Variants in PTPRF observed in about 807,000 individuals in gnomAD.
The protein encoded by PTPRF is protein tyrosine phosphatase receptor type F.
Under a neutral mutation model 201.8 loss-of-function variants are expected in PTPRF, and 59 were observed. That is an observed-to-expected ratio of 0.29 (90% CI 0.24 to 0.36). PTPRF has a LOEUF of 0.36. PTPRF is among the 10% of genes least tolerant of loss of function. The pLI, the probability that PTPRF is intolerant of heterozygous loss-of-function variation, is 1.00. For synonymous variants in PTPRF, 1,088 were observed against 1,089.7 expected (o/e 1.00, Z 0.03); for missense variants, 2,132 against 2,690.5 (o/e 0.79, Z 4.59).
chr1:43,617,078 G>T (rs933809622), intron 23 of PTPRF, among the ~76,000 whole-genome samples: 9 of 151,946 alleles, frequency 5.9e-5, no homozygotes, highest in African/African-American at 2.2e-4. Context: ...GAGGGACTCT[G>T]GGTGTTCAGA....
At chr1:43,573,712 A>G (rs1646727484) in intron 6 of PTPRF, among the ~76,000 whole-genome samples, 1 of 152,216 alleles carries the variant, frequency 6.6e-6, no homozygotes. Context: ...GGGCCCCTTC[A>G]GTCCCCCACA....
At position 43,591,515 on chromosome 1, in the gene PTPRF, C is replaced by T. The variant is rs750275015; in HGVS notation, c.1493C>T (p.Pro498Leu). ...VLAFTAVGDGPPSPTIQVKTQ... is the reference protein window; with the variant it reads ...VLAFTAVGDGLPSPTIQVKTQ... ...GCCTTCACCGCCGTGGGCGATGGCC[C>T]TCCCAGCCCCACCATCCAGGTCAAG... The change falls in exon 9 of 34, where the codon CCT (proline) becomes CTT (leucine). Residue 498 changes from proline to leucine, a missense_variant. Around this residue, in one of 6 missense-constraint regions of PTPRF, gnomAD observed 351 missense variants for 401.7 expected, o/e 0.87. Transcript: ENST00000359947. The T allele has an allele frequency of 1.3e-6, 2 of 1,598,998 alleles. No individual in the cohort carries two copies. The highest frequency in any genetic ancestry group is 1.7e-6 in the Non-Finnish European group (2 of 1,174,852).
At chr1:43,547,674 G>A (rs940797277) in intron 3 of PTPRF, among the ~76,000 whole-genome samples, 3 of 152,256 alleles carry the variant, frequency 2.0e-5, no homozygotes, top group African/African-American at 7.2e-5. Flanking sequence ...GTTTCAATAG[G>A]CCTCTTAACG....
At chr1:43,606,202 C>G (rs754471485) in intron 19 of PTPRF, 38 bp from the exon 20 acceptor site, 3 of 1,587,940 alleles carry the variant, frequency 1.9e-6, no homozygotes, top group African/African-American at 2.7e-5. Flanking sequence ...CCGGCATGCT[C>G]CAAGGCCCCT....
At chr1:43,614,244 A>G (rs764945448) in intron 23 of PTPRF, among the ~76,000 whole-genome samples, 7 of 152,230 alleles carry the variant, frequency 4.6e-5, no homozygotes, top group African/African-American at 7.2e-5. Flanking sequence ...GCTGATGAGT[A>G]GTGGAGCCAG....
rs1296785569 is a variant in PTPRF, at chr1:43,623,461, G to A, written c.*1458G>A. On this transcript the variant is annotated 3_prime_UTR_variant, in exon 34 of 34. Coordinates refer to ENST00000359947, the MANE Select transcript of PTPRF (RefSeq NM_002840.5). ...TTTAGCTGAGGGACGTGGTGCCGAC[G>A]TCCCCAAACCTAGCTAGGCTAAGTC... 1 of 152,600 alleles carries A rather than the reference G, an allele frequency of 6.6e-6. No individual in the cohort carries two copies. The highest frequency in any genetic ancestry group is 2.1e-4 in the South Asian group (1 of 4,824). The allele number at this position is 152,600 out of a possible 1,614,324, so 9.5% of individuals were successfully genotyped here.
intron 6 of PTPRF, 41 bp from the exon 7 acceptor site, chr1:43,578,769 G>T: frequency 6.6e-7 from 1 of 1,504,108 alleles, no homozygotes; most frequent in South Asian, 1.2e-5. Flanking sequence ...GGCCACACTC[G>T]ACATGGGCCG....
At chr1:43,587,754 A>G (rs1165750021) in intron 7 of PTPRF, among the ~76,000 whole-genome samples, 3 of 152,196 alleles carry the variant, frequency 2.0e-5, no homozygotes, top group Non-Finnish European at 4.4e-5. Flanking sequence ...TCTGCTCACC[A>G]GCTGCATGGC....
At chr1:43,523,869 G>A (rs564848318), upstream of PTPRF, among the ~76,000 whole-genome samples, 2 of 149,724 alleles carry the variant, frequency 1.3e-5, no homozygotes, top group Admixed American at 6.7e-5. Flanking sequence ...CCAACATGGC[G>A]AATCCCCTAA....
At chr1:43,524,674 G>C (rs1378253040), upstream of PTPRF, among the ~76,000 whole-genome samples, 1 of 152,146 alleles carries the variant, frequency 6.6e-6, no homozygotes, top group Non-Finnish European at 1.5e-5. Context: ...AGGATTGGCA[G>C]AGACACTGGC....
At chr1:43,543,879 G>A (rs147480602) in intron 2 of PTPRF, among the ~76,000 whole-genome samples, 253 of 152,348 alleles carry the variant, frequency 1.7e-3, no homozygotes, top group Non-Finnish European at 2.6e-3. Context: ...GATCGACCAC[G>A]TCTCACCCCT....
intron 27 of PTPRF, 23 bp from the exon 28 acceptor site, chr1:43,619,265 C>G (rs771662159): frequency 1.2e-6 from 2 of 1,611,418 alleles, no homozygotes; most frequent in Non-Finnish European, 1.7e-6. Flanking sequence ...GCCTGTGCCT[C>G]AAGCTGAGCC....
chr1:43,599,200 C>T (rs557594932), intron 13 of PTPRF, among the ~76,000 whole-genome samples: 8 of 152,250 alleles, frequency 5.3e-5, no homozygotes, highest in East Asian at 3.9e-4. Context: ...CTCAGCCTCC[C>T]GAGTAGCTGG....
intron 5 of PTPRF, 89 bp from the exon 6 acceptor site, chr1:43,569,501 C>A: frequency 7.2e-7 from 1 of 1,396,798 alleles, no homozygotes; most frequent in Non-Finnish European, 9.7e-7. Context: ...AGGGCCCTGG[C>A]CAACCTGCAG....
rs1368482660 is a variant in PTPRF, at chr1:43,531,014, G to C, written c.-202G>C. ...GCGGGAGCGGGACCAGGTGGAGGCG[G>C]CGGCGGCAGAGGAGTGGGAGCAGCG... On this transcript the variant is annotated 5_prime_UTR_variant, in exon 1 of 34. Transcript: ENST00000359947. 1 of 156,162 alleles carries C rather than the reference G, an allele frequency of 6.4e-6. No homozygotes were observed. Among genetic ancestry groups the C allele is most frequent in the Non-Finnish European group, 1.4e-5 (1 of 70,972 alleles). The allele number at this position is 156,162 out of a possible 1,614,324, so 9.7% of individuals were successfully genotyped here. A position where few individuals can be genotyped will look rare whatever the true frequency, so the allele number is the denominator to read the frequency against.
Position 43,553,340 on chromosome 1 carries a change from C to G in PTPRF, c.92-152C>G. ...GTTAAAAAATGTTAAACTCTCTGAA[C>G]AGTGCCTGGCACATACTAAGCGCTA... On this transcript the variant is annotated intron_variant, in intron 3 of 33. Transcript: ENST00000359947. This position sits in a 1 kb window ranked among gnomAD's most constrained non-coding sequence, Gnocchi z 4.1. 1.2e-6 allele frequency: 1 copy of G among 846,070 alleles called. No homozygotes were observed. The highest frequency in any genetic ancestry group is 1.7e-5 in the African/African-American group (1 of 59,040). 52.4% of individuals were successfully genotyped at this position (846,070 alleles called of 1,614,324 possible).
intron 6 of PTPRF, among the ~76,000 whole-genome samples, chr1:43,573,997 T>C: frequency 7.6e-6 from 1 of 131,546 alleles, no homozygotes; most frequent in Non-Finnish European, 1.6e-5. Flanking sequence ...TTTTTTTTTT[T>C]TTTTTTTTTT....
chr1:43,594,480 G>T (rs1261568505), intron 11 of PTPRF, among the ~76,000 whole-genome samples: 2 of 151,926 alleles, frequency 1.3e-5, no homozygotes, highest in East Asian at 3.9e-4. Flanking sequence ...GGGACACAGG[G>T]TAGGCAGGAG....
rs1658939603 is a variant in PTPRF, at chr1:43,620,444, C to G, written c.5239-10C>G. 2.5e-6 allele frequency: 4 copies of G among 1,608,308 alleles called. No individual in the cohort carries two copies. Among genetic ancestry groups the G allele is most frequent in the Non-Finnish European group, 3.4e-6 (4 of 1,175,734 alleles). Reference sequence around the variant, plus strand: ...CACCTGATTATGGGGGCCCGACCCTCTGTCCACAGGAGAAATGCCACCAGT... The same window carrying G: ...CACCTGATTATGGGGGCCCGACCCTGTGTCCACAGGAGAAATGCCACCAGT... On this transcript the variant is annotated splice_polypyrimidine_tract_variant and intron_variant, in intron 30 of 33. Transcript: ENST00000359947.
Sources: gnomAD v4.1 joint callset for allele counts (sites outside exome capture counted in the v4.1 genomes callset) on GRCh38, gnomAD v4.1.1 for gene constraint, gnomAD v4.1.1 regional missense constraint, Gnocchi (gnomAD v3.1) non-coding constraint, MANE v1.5 for transcripts, NCBI Gene and HGNC (gene_info 2026-07-23, HGNC 2026-07-21) for gene names.